Variants in ATRNL1 observed in about 807,000 individuals in gnomAD.
ATRNL1 encodes attractin like 1, also known as attractin-like protein 1.
A neutral mutation model predicts 182.7 loss-of-function variants in ATRNL1; 95 were observed. The observed-to-expected ratio is 0.52, with a 90% CI of 0.44 to 0.62. The LOEUF (loss-of-function observed/expected upper bound fraction) is 0.62, where lower values mean the gene tolerates loss of function less well. ATRNL1 is among the 20% of genes least tolerant of loss of function. ATRNL1 has a pLI of 0.00. For missense variants in ATRNL1, 1,471 were observed against 1,679.5 expected, an observed-to-expected ratio of 0.88 and a Z score of 2.17; for synonymous variants, 576 against 568.3, an observed-to-expected ratio of 1.01 and a Z score of -0.19.
intron 24 of ATRNL1, among the ~76,000 whole-genome samples, chr10:115,470,326 T>G (rs75582044): frequency 0.016 from 2,479 of 150,606 alleles, 36 homozygotes; most frequent in Non-Finnish European, 0.025. Context: ...TCAGTTCACT[T>G]TTGAGAATTA....
intron 19 of ATRNL1, among the ~76,000 whole-genome samples, chr10:115,388,665 A>G (rs1208403716): frequency 6.6e-6 from 1 of 151,952 alleles, no homozygotes; most frequent in East Asian, 1.9e-4. Flanking sequence ...CACATTATTT[A>G]TAATGTGTAT....
At chr10:115,849,497 T>G (rs1425204580) in intron 28 of ATRNL1, among the ~76,000 whole-genome samples, 1 of 152,196 alleles carries the variant, frequency 6.6e-6, no homozygotes, top group Non-Finnish European at 1.5e-5. Flanking sequence ...CTTTAACCTT[T>G]GAAGTCCTTT....
intron 21 of ATRNL1, among the ~76,000 whole-genome samples, chr10:115,434,844 C>CT (rs1203535361): frequency 9.9e-5 from 15 of 152,056 alleles, no homozygotes; most frequent in Non-Finnish European, 4.4e-5. Flanking sequence ...AACTGTAACT[C>CT]TAACTGCATC....
chr10:115,280,882 A>G (rs555080864), intron 13 of ATRNL1, among the ~76,000 whole-genome samples: 6 of 152,366 alleles, frequency 3.9e-5, no homozygotes, highest in East Asian at 1.9e-4. Context: ...TAGGCCTTCC[A>G]GTAACCATTT....
chr10:115,714,728 C>T (rs565524710), intron 26 of ATRNL1, among the ~76,000 whole-genome samples: 1 of 151,772 alleles, frequency 6.6e-6, no homozygotes, highest in Non-Finnish European at 1.5e-5. Flanking sequence ...TATTTCTTTT[C>T]TCTGATCCAC....
At chr10:115,587,688 CT>C (rs1855638953) in intron 26 of ATRNL1, among the ~76,000 whole-genome samples, 2 of 152,128 alleles carry the variant, frequency 1.3e-5, no homozygotes, top group Non-Finnish European at 2.9e-5. Context: ...AACCTGGTAC[CT>C]CAGATGGAAA....
chr10:115,536,983 A>G (rs879992721), intron 25 of ATRNL1, among the ~76,000 whole-genome samples: 1 of 152,120 alleles, frequency 6.6e-6, no homozygotes, highest in Non-Finnish European at 1.5e-5. Flanking sequence ...TAAAAAAATA[A>G]GATTATGATG....
chr10:115,627,453 C>T (rs1472752052), intron 26 of ATRNL1, among the ~76,000 whole-genome samples: 1 of 152,106 alleles, frequency 6.6e-6, no homozygotes, highest in Non-Finnish European at 1.5e-5. Flanking sequence ...CAACCTCTGC[C>T]TCCTGGGTTC....
chr10:115,696,984 G>A (rs1183791352), intron 26 of ATRNL1, among the ~76,000 whole-genome samples: 1 of 151,952 alleles, frequency 6.6e-6, no homozygotes, highest in Non-Finnish European at 1.5e-5. Flanking sequence ...CAGCAAGGGG[G>A]AAAATCCACC....
intron 5 of ATRNL1, among the ~76,000 whole-genome samples, chr10:115,133,374 CAAAA>C (rs1845351193): frequency 2.0e-5 from 3 of 151,656 alleles, no homozygotes; most frequent in Non-Finnish European, 4.4e-5. Context: ...AAATGGAAAA[CAAAA>C]AAAGCCTGAG....
chr10:115,216,638 A>G (rs1337580584), intron 9 of ATRNL1, among the ~76,000 whole-genome samples: 1 of 151,910 alleles, frequency 6.6e-6, no homozygotes, highest in Non-Finnish European at 1.5e-5. Flanking sequence ...GAAGTTTTAA[A>G]ATAAAATTTT....
At chr10:115,326,694 C>A (rs1169377103) in intron 18 of ATRNL1, among the ~76,000 whole-genome samples, 8 of 151,958 alleles carry the variant, frequency 5.3e-5, no homozygotes, top group African/African-American at 9.7e-5. Context: ...TACTACAAGG[C>A]TACAGTAACC....
At chr10:115,466,282 T>G (rs1482832387) in intron 22 of ATRNL1, among the ~76,000 whole-genome samples, 1 of 151,420 alleles carries the variant, frequency 6.6e-6, no homozygotes, top group Non-Finnish European at 1.5e-5. Flanking sequence ...ATTAATATAT[T>G]CTCTATCTCT....
chr10:115,669,483 T>C (rs1555040741), intron 26 of ATRNL1, among the ~76,000 whole-genome samples: 2 of 152,162 alleles, frequency 1.3e-5, no homozygotes, highest in African/African-American at 4.8e-5. Flanking sequence ...TGTATCTTTT[T>C]TTCTTTGCAA....
intron 12 of ATRNL1, among the ~76,000 whole-genome samples, chr10:115,267,842 A>G (rs1393582818): frequency 1.3e-5 from 2 of 152,000 alleles, no homozygotes; most frequent in Non-Finnish European, 2.9e-5. Context: ...GGTGTGATCA[A>G]ACTCTGTCTC....
rs1275521157 is a variant in ATRNL1, at chr10:115,119,471, CTT to C, written c.294-713_294-712del. Among the ~76,000 whole-genome samples the C allele has an allele frequency of 5.9e-5, 9 of 151,758 alleles. No homozygotes were observed. The East Asian group carries it at 1.2e-3, about 20-fold the overall frequency. ...ATTTTAATTCTTTAAAATATGGTCT[CTT>C]GATAAAATAATTGGGCTGGAAGTAA... is the stretch of plus-strand genomic sequence containing the variant. On this transcript the variant is annotated intron_variant, in intron 1 of 28. Coordinates refer to ENST00000355044, the MANE Select transcript of ATRNL1 (RefSeq NM_207303.4).
intron 10 of ATRNL1, among the ~76,000 whole-genome samples, chr10:115,253,673 T>C (rs1554905948): frequency 6.6e-6 from 1 of 152,118 alleles, no homozygotes; most frequent in Non-Finnish European, 1.5e-5. Context: ...TAGGTATACA[T>C]GTGCCATGTC....
In ATRNL1 at chr10:115,470,369, A is replaced by G. The variant is rs1163401973; in HGVS notation, c.3654+1040A>G. On this transcript the variant is annotated intron_variant, in intron 24 of 28. Coordinates refer to ENST00000355044, the MANE Select transcript of ATRNL1 (RefSeq NM_207303.4). ...AAATTTACTTCTTCATTGTATAGTG[A>G]TTGATTTAGATGCTGGTACTGTCAG... Among the ~76,000 whole-genome samples, 8 of 150,584 alleles carry G rather than the reference A, an allele frequency of 5.3e-5. 1 individual carries two copies. Among genetic ancestry groups the G allele is most frequent in the African/African-American group, 1.9e-4 (8 of 41,384 alleles).
At position 115,268,177 on chromosome 10, in the gene ATRNL1, T is replaced by A. The variant is rs1851687949; in HGVS notation, c.1982-149T>A. The A allele has an allele frequency of 5.0e-6, 3 of 605,174 alleles. No individual in the cohort carries two copies. The East Asian group carries it at 8.2e-5, about 17-fold the overall frequency. The allele number at this position is 605,174 out of a possible 1,614,324, so 37.5% of individuals were successfully genotyped here. ...TTGAACTACAAAAGTTGTCTTAATCTTTAGAAAACTTACTTTGAAATTGAA... is the reference window on the plus strand; with the variant it reads ...TTGAACTACAAAAGTTGTCTTAATCATTAGAAAACTTACTTTGAAATTGAA... On this transcript the variant is annotated intron_variant, in intron 12 of 28. Coordinates refer to ENST00000355044, the MANE Select transcript of ATRNL1 (RefSeq NM_207303.4).
Sources: allele counts gnomAD v4.1 joint callset (sites outside exome capture counted in the v4.1 genomes callset), GRCh38; gene constraint gnomAD v4.1.1; transcripts MANE v1.5; gene names NCBI Gene and HGNC (gene_info 2026-07-23, HGNC 2026-07-21).